KIF13A: variants seen among roughly 807,000 people sequenced by gnomAD.
The protein encoded by KIF13A is kinesin-like protein KIF13A.
A neutral mutation model predicts 212.2 loss-of-function variants in KIF13A; 79 were observed. The observed-to-expected ratio is 0.37, with a 90% CI of 0.31 to 0.45. The LOEUF is 0.45. Among genes scored for constraint, KIF13A ranks in the 20% least tolerant of loss-of-function variants. KIF13A has a pLI of 1.00. For missense variants in KIF13A, 1,901 were observed against 2,209.0 expected (o/e 0.86, Z 2.79); for synonymous variants, 789 against 808.6 (o/e 0.98, Z 0.41).
chr6:17,809,867 G>A lies in KIF13A; in HGVS notation c.2001-937C>T, dbSNP rs1027764248. Reference sequence around the variant, plus strand: ...GCACCTAAATCTCTACTCCTCACTCGTCACCTTAGAAATGACAGAAGACGC... The same window carrying A: ...GCACCTAAATCTCTACTCCTCACTCATCACCTTAGAAATGACAGAAGACGC... On this transcript the variant is annotated intron_variant, in intron 17 of 38. Coordinates refer to ENST00000259711, the MANE Select transcript of KIF13A (RefSeq NM_022113.6). The surrounding 1 kb of genome is among the most constrained non-coding windows in gnomAD (Gnocchi z 4.7). Among the ~76,000 whole-genome samples the A allele has an allele frequency of 1.3e-5, 2 of 151,990 alleles. No individual in the cohort carries two copies. Among genetic ancestry groups the A allele is most frequent in the Non-Finnish European group, 2.9e-5 (2 of 67,990 alleles).
intron 9 of KIF13A, among the ~76,000 whole-genome samples, chr6:17,841,133 C>T (rs1259838725): frequency 6.7e-6 from 1 of 149,886 alleles, no homozygotes; most frequent in African/African-American, 2.5e-5. Context: ...CAGGCACTGG[C>T]ACAATCATGG....
chr6:17,894,376 C>T (rs1455712463), intron 3 of KIF13A, among the ~76,000 whole-genome samples: 2 of 152,204 alleles, frequency 1.3e-5, no homozygotes, highest in African/African-American at 4.8e-5. Flanking sequence ...ACCTTGGCTT[C>T]CCAAGGCCGG....
In KIF13A at chr6:17,947,612, T is replaced by C. The variant is rs1055214106; in HGVS notation, c.146+39442A>G. Among the ~76,000 whole-genome samples the C allele has an allele frequency of 6.6e-6, 1 of 152,108 alleles. No homozygotes were observed. The highest frequency in any genetic ancestry group is 1.5e-5 in the Non-Finnish European group (1 of 68,014). ...GGGAGGCCGAGGTGGGTGGATCACC[T>C]GAGGTCAGGAGTTTGAGACCAGCCG... On this transcript the variant is annotated intron_variant, in intron 2 of 38. Transcript: ENST00000259711. The surrounding 1 kb of genome is among the most constrained non-coding windows in gnomAD (Gnocchi z 4.6).
intron 2 of KIF13A, among the ~76,000 whole-genome samples, chr6:17,974,901 T>C (rs751093832): frequency 3.3e-5 from 5 of 152,232 alleles, no homozygotes; most frequent in African/African-American, 9.6e-5. Context: ...AATGATCACA[T>C]AGGGCTACTG....
rs1759286317 is a variant in KIF13A at position 17,769,249 on chromosome 6, A to G, written c.4581+1865T>C. On this transcript the variant is annotated intron_variant, in intron 38 of 38. Coordinates refer to ENST00000259711, the MANE Select transcript of KIF13A (RefSeq NM_022113.6). The surrounding 1 kb of genome is among the most constrained non-coding windows in gnomAD (Gnocchi z 5.8). ...CTCAGGTCAAACAAATAATGCACTT[A>G]ATCTCTACCAAAACACCTTGAAAAA... 6.6e-6 allele frequency among the ~76,000 whole-genome samples: 1 copy of G among 152,222 alleles called. No individual in the cohort carries two copies. The highest frequency in any genetic ancestry group is 2.4e-5 in the African/African-American group (1 of 41,454).
chr6:17,780,889 A>G lies in KIF13A; in HGVS notation c.3687T>C (p.Ser1229=), dbSNP rs1320500410. The change falls in exon 31 of 39, where the codon TCT becomes TCC. Residue 1229 remains serine (S), a synonymous_variant. Transcript: ENST00000259711. The part of the protein sequence containing the change: ...HSDDEVSATA[S]WDSSVHDSVH... ...CAGAATCATGCACCGAGGAATCCCA[A>G]GAGGCTGTGGCTGAAACCTAGGAGT... 1 of 1,613,558 alleles carries G rather than the reference A, an allele frequency of 6.2e-7. No homozygotes were observed. The highest frequency in any genetic ancestry group is 8.5e-7 in the Non-Finnish European group (1 of 1,179,690).
chr6:17,932,523 C>T (rs1234277708), intron 2 of KIF13A, among the ~76,000 whole-genome samples: 1 of 152,210 alleles, frequency 6.6e-6, no homozygotes, highest in African/African-American at 2.4e-5. Flanking sequence ...GCTTCTTGAT[C>T]CTGCCTGTGA....
At chr6:17,981,241 G>A (rs992923414) in intron 2 of KIF13A, among the ~76,000 whole-genome samples, 9 of 151,274 alleles carry the variant, frequency 5.9e-5, no homozygotes, top group Non-Finnish European at 1.2e-4. Context: ...TAACAGAAGG[G>A]GATAGAAAAT....
At position 17,895,210 on chromosome 6, in the gene KIF13A, T is replaced by C. The variant is rs1397433538; in HGVS notation, c.159+2958A>G. On this transcript the variant is annotated intron_variant, in intron 3 of 38. Transcript: ENST00000259711. The surrounding 1 kb of genome is among the most constrained non-coding windows in gnomAD (Gnocchi z 4.4). ...TATGTCTTTGAAGATAACAAATATA[T>C]TCATTTTGAAGTTCCTGTCTAATAA... Among the ~76,000 whole-genome samples, 1 of 152,214 alleles carries C rather than the reference T, an allele frequency of 6.6e-6. No individual in the cohort carries two copies. The highest frequency in any genetic ancestry group is 1.5e-5 in the Non-Finnish European group (1 of 68,040).
chr6:17,911,331 T>C (rs918807498), intron 2 of KIF13A, among the ~76,000 whole-genome samples: 1 of 152,242 alleles, frequency 6.6e-6, no homozygotes, highest in East Asian at 1.9e-4. Flanking sequence ...GTGCATCAAA[T>C]GCCTTGCAAA....
At position 17,838,109 on chromosome 6, in the gene KIF13A, G is replaced by A. The variant is rs746729350; in HGVS notation, c.831-526C>T. Among the ~76,000 whole-genome samples the A allele has an allele frequency of 2.0e-5, 3 of 152,024 alleles. No individual in the cohort carries two copies. The South Asian group carries it at 6.2e-4, about 31-fold the overall frequency. Reference sequence around the variant, plus strand: ...AGGCAGGTGGATCATGAGGTCAGGGGTCAGGAGATCAAGACCATCCTGGCC... The same window carrying A: ...AGGCAGGTGGATCATGAGGTCAGGGATCAGGAGATCAAGACCATCCTGGCC... On this transcript the variant is annotated intron_variant, in intron 9 of 38. Coordinates refer to ENST00000259711, the MANE Select transcript of KIF13A (RefSeq NM_022113.6). The surrounding 1 kb of genome is among the most constrained non-coding windows in gnomAD (Gnocchi z 4.2).
chr6:17,940,831 T>TA (rs1561785287), intron 2 of KIF13A, among the ~76,000 whole-genome samples: 16 of 36,364 alleles, frequency 4.4e-4, no homozygotes, highest in African/African-American at 1.2e-3. Flanking sequence ...TTTTTTTTTT[T>TA]TTTTTTTTTT....
intron 3 of KIF13A, among the ~76,000 whole-genome samples, chr6:17,877,325 C>T (rs1213911319): frequency 6.6e-6 from 1 of 152,068 alleles, no homozygotes; most frequent in Admixed American, 6.6e-5. Context: ...TTTATAATAA[C>T]CAAGTTTCAA....
At position 17,828,163 on chromosome 6, in the gene KIF13A, C is replaced by A; in HGVS notation, c.1532+77G>T. On this transcript the variant is annotated intron_variant, in intron 14 of 38. Coordinates refer to ENST00000259711, the MANE Select transcript of KIF13A (RefSeq NM_022113.6). This position sits in a 1 kb window ranked among gnomAD's most constrained non-coding sequence, Gnocchi z 4.3. ...TCCTTAACTTTAATATAGCTGAAAGCAAACAGAAAGAGGCAGCCTTCTCCT... is the reference window on the plus strand; with the variant it reads ...TCCTTAACTTTAATATAGCTGAAAGAAAACAGAAAGAGGCAGCCTTCTCCT... The A allele has an allele frequency of 6.9e-7, 1 of 1,457,042 alleles. No homozygotes were observed. The highest frequency in any genetic ancestry group is 1.3e-5 in the South Asian group (1 of 74,198). The allele number at this position is 1,457,042 out of a possible 1,614,324, so 90.3% of individuals were successfully genotyped here. A position where few individuals can be genotyped will look rare whatever the true frequency, so the allele number is the denominator to read the frequency against.
intron 17 of KIF13A, among the ~76,000 whole-genome samples, chr6:17,813,948 C>CTTTTTTTT (rs36144211): frequency 2.2e-5 from 2 of 90,716 alleles, no homozygotes; most frequent in Non-Finnish European, 4.1e-5. Context: ...TAAGGTGCTG[C>CTTTTTTTT]TTTTTTTTTT....
chr6:17,793,503 AG>A (rs1761776339), intron 25 of KIF13A, among the ~76,000 whole-genome samples: 2 of 152,238 alleles, frequency 1.3e-5, no homozygotes, highest in South Asian at 4.1e-4. Context: ...GAGAATGTTT[AG>A]AAAATGAAGA....
At chr6:17,854,297 C>T (rs1431355054) in intron 6 of KIF13A, among the ~76,000 whole-genome samples, 1 of 151,926 alleles carries the variant, frequency 6.6e-6, no homozygotes, top group African/African-American at 2.4e-5. Context: ...CAGCACCACG[C>T]CCAGCTAATT....
chr6:17,986,698 G>A (rs532667181), intron 2 of KIF13A, among the ~76,000 whole-genome samples: 70 of 152,354 alleles, frequency 4.6e-4, no homozygotes, highest in African/African-American at 1.7e-3. Context: ...AAGGTCGTGG[G>A]CTGGTCACCT....
chr6:17,874,513 G>A (rs185844058), intron 3 of KIF13A, among the ~76,000 whole-genome samples: 203 of 152,100 alleles, frequency 1.3e-3, no homozygotes, highest in Middle Eastern at 6.8e-3. Flanking sequence ...TCGGCTCACC[G>A]CAACCTCTGC....
Sources: allele counts gnomAD v4.1 joint callset (sites outside exome capture counted in the v4.1 genomes callset), GRCh38; gene constraint gnomAD v4.1.1; non-coding constraint Gnocchi (gnomAD v3.1); transcripts MANE v1.5; gene names NCBI Gene and HGNC (gene_info 2026-07-23, HGNC 2026-07-21).